EML6: variants seen among roughly 807,000 people sequenced by gnomAD.
EML6 encodes the protein EMAP like 6.
A neutral mutation model predicts 240.1 loss-of-function variants in EML6; 154 were observed. The ratio of observed to expected loss-of-function variants is 0.64; its 90% CI spans 0.56 to 0.73. The LOEUF (loss-of-function observed/expected upper bound fraction) is 0.73, where lower values mean the gene tolerates loss of function less well. Ranked by LOEUF, EML6 falls within the 30% of genes least tolerant of loss-of-function variation. EML6 has a pLI of 0.00. For synonymous variants in EML6, 1,148 were observed against 899.0 expected (o/e 1.28, Z -4.95); for missense variants, 2,964 against 2,474.6 (o/e 1.20, Z -4.20).
intron 2 of EML6, among the ~76,000 whole-genome samples, chr2:54,809,732 A>G (rs1469517500): frequency 1.3e-5 from 2 of 152,222 alleles, no homozygotes; most frequent in Non-Finnish European, 2.9e-5. Context: ...TAACTCCACC[A>G]TTATTGATAC....
intron 21 of EML6, among the ~76,000 whole-genome samples, chr2:54,895,882 C>T (rs1573094051): frequency 6.6e-6 from 1 of 152,048 alleles, no homozygotes; most frequent in South Asian, 2.1e-4. Flanking sequence ...TTTCTCAAAG[C>T]CAAAAACAGA....
chr2:54,748,946 T>G (rs1684036420), intron 2 of EML6, among the ~76,000 whole-genome samples: 2 of 152,322 alleles, frequency 1.3e-5, no homozygotes, highest in South Asian at 4.1e-4. Context: ...GATTGTTGAC[T>G]ATTATGAACA....
At chr2:54,834,829 C>T (rs1308284641) in intron 7 of EML6, among the ~76,000 whole-genome samples, 1 of 152,362 alleles carries the variant, frequency 6.6e-6, no homozygotes, top group East Asian at 1.9e-4. Context: ...CCATCTTTTA[C>T]ATAGAATATT....
chr2:54,796,568 A>C (rs551766287), intron 2 of EML6, among the ~76,000 whole-genome samples: 1 of 152,042 alleles, frequency 6.6e-6, no homozygotes, highest in Non-Finnish European at 1.5e-5. Context: ...GGAACACTTA[A>C]ATCCTTTCAT....
In EML6 at chr2:54,938,946, C is replaced by G. The variant is rs535861295; in HGVS notation, c.4005-9936C>G. Among the ~76,000 whole-genome samples, 55 of 152,306 alleles carry G rather than the reference C, an allele frequency of 3.6e-4. No homozygotes were observed. The South Asian group carries it at 9.5e-3, about 26-fold the overall frequency. On this transcript the variant is annotated intron_variant, in intron 28 of 41. Coordinates refer to ENST00000356458, the MANE Select transcript of EML6 (RefSeq NM_001039753.4). ...CACAGGCCCTTGCTGTTGACCTGAT[C>G]AGGGTTACACGTAAAGCTCTCCTCT...
At chr2:54,851,026 C>T (rs1558612236) in intron 10 of EML6, among the ~76,000 whole-genome samples, 1 of 152,154 alleles carries the variant, frequency 6.6e-6, no homozygotes, top group Non-Finnish European at 1.5e-5. Flanking sequence ...ACCATATACA[C>T]ATGTAGTAAA....
At chr2:54,894,837 C>A in intron 19 of EML6, 78 bp from the exon 20 acceptor site, 1 of 876,826 alleles carries the variant, frequency 1.1e-6, no homozygotes, top group South Asian at 1.6e-5. Flanking sequence ...TCCTTACCTG[C>A]GGGGAATCCT....
intron 17 of EML6, among the ~76,000 whole-genome samples, chr2:54,888,866 T>C (rs887997412): frequency 6.6e-6 from 1 of 152,180 alleles, no homozygotes; most frequent in Non-Finnish European, 1.5e-5. Flanking sequence ...TCAGCTTATT[T>C]AGGCAAATAT....
At chr2:54,900,688 T>C (rs1673009663) in intron 22 of EML6, among the ~76,000 whole-genome samples, 1 of 152,132 alleles carries the variant, frequency 6.6e-6, no homozygotes, top group Non-Finnish European at 1.5e-5. Flanking sequence ...CTCTCTAATT[T>C]CCCACCAGTG....
At chr2:54,906,926 C>T (rs1380666262) in intron 24 of EML6, among the ~76,000 whole-genome samples, 1 of 152,172 alleles carries the variant, frequency 6.6e-6, no homozygotes, top group African/African-American at 2.4e-5. Flanking sequence ...GCCTTTGATC[C>T]TGTCGAAAAT....
At chr2:54,755,517 T>C (rs907782443) in intron 2 of EML6, among the ~76,000 whole-genome samples, 6 of 152,264 alleles carry the variant, frequency 3.9e-5, no homozygotes, top group Non-Finnish European at 5.9e-5. Context: ...CTTTGTTCTC[T>C]TAGTAATGGT....
In EML6 at chr2:54,815,025, T is replaced by C. The variant is rs555678509; in HGVS notation, c.357+1634T>C. On this transcript the variant is annotated intron_variant, in intron 3 of 41. Coordinates refer to ENST00000356458, the MANE Select transcript of EML6 (RefSeq NM_001039753.4). ...ATGTACAAGTATAAATGTATGCTTA[T>C]GTCTGTACTGGTATGCACCTTCTCT... 2.2e-4 allele frequency among the ~76,000 whole-genome samples: 34 copies of C among 152,378 alleles called. No homozygotes were observed. In the South Asian group the frequency reaches 6.2e-3, roughly 28 times the overall value.
intron 7 of EML6, among the ~76,000 whole-genome samples, chr2:54,840,537 C>T (rs371670185): frequency 7.0e-4 from 107 of 152,278 alleles, no homozygotes; most frequent in African/African-American, 2.4e-3. Context: ...CACTGTTAAG[C>T]TCCACTGTCA....
intron 4 of EML6, among the ~76,000 whole-genome samples, chr2:54,817,121 T>G (rs1668115637): frequency 6.6e-6 from 1 of 152,246 alleles, no homozygotes; most frequent in African/African-American, 2.4e-5. Context: ...AAATTTTTGA[T>G]GCTGGCATTT....
At chr2:54,964,909 A>C (rs904400284) in intron 38 of EML6, among the ~76,000 whole-genome samples, 176 bp downstream of exon 38, 3 of 152,256 alleles carry the variant, frequency 2.0e-5, no homozygotes, top group African/African-American at 7.2e-5. Context: ...AGAGGCTTAG[A>C]GAATTTAAGA....
intron 22 of EML6, among the ~76,000 whole-genome samples, chr2:54,900,125 C>T (rs1672980625): frequency 6.6e-6 from 1 of 152,138 alleles, no homozygotes; most frequent in African/African-American, 2.4e-5. Flanking sequence ...TAACAGTCTC[C>T]AGAACTTATT....
Position 54,903,478 on chromosome 2 carries a change from A to G in EML6, c.3385A>G (p.Thr1129Ala). Residue 1129 changes from threonine (T) to alanine (A), a missense_variant, in exon 24 of 42, where the codon ACA (threonine) becomes GCA (alanine). Transcript: ENST00000356458. ...GICKGASSYI[T>A]HIDWDSRGKL... ...CTGTAAAGGTGCTTCTAGTTATATT[A>G]CACACATTGACTGGGACTCTAGAGG... The G allele has an allele frequency of 1.3e-6, 2 of 1,551,824 alleles. No homozygotes were observed. Among genetic ancestry groups the G allele is most frequent in the Non-Finnish European group, 1.7e-6 (2 of 1,146,956 alleles).
chr2:54,970,126 T>C lies in EML6; in HGVS notation c.*31T>C, dbSNP rs1004468747. On this transcript the variant is annotated 3_prime_UTR_variant, in exon 42 of 42. Coordinates refer to ENST00000356458, the MANE Select transcript of EML6 (RefSeq NM_001039753.4). ...CAGAAGCCTCTTATGTTATTGCTGC[T>C]GCTGCTACCAGCCAGCAACTGCAGA... 3.9e-6 allele frequency: 6 copies of C among 1,550,744 alleles called. No homozygotes were observed. The African/African-American group carries it at 6.8e-5, about 18-fold the overall frequency.
intron 2 of EML6, among the ~76,000 whole-genome samples, chr2:54,776,228 A>C (rs929010801): frequency 1.4e-4 from 22 of 152,096 alleles, no homozygotes; most frequent in African/African-American, 5.3e-4. Context: ...AGGAGGAGAA[A>C]GGGGCTTTAT....
Sources: allele counts gnomAD v4.1 joint callset (sites outside exome capture counted in the v4.1 genomes callset), GRCh38; gene constraint gnomAD v4.1.1; transcripts MANE v1.5; gene names NCBI Gene and HGNC (gene_info 2026-07-23, HGNC 2026-07-21).